Variants in SLC25A21 observed in about 807,000 individuals in gnomAD.
SLC25A21 encodes the protein mitochondrial 2-oxodicarboxylate carrier.
SLC25A21 carries 47 observed loss-of-function variants against 43.8 expected under a neutral mutation model. The observed-to-expected ratio is 1.07, with a 90% CI of 0.85 to 1.37. The LOEUF (loss-of-function observed/expected upper bound fraction) is 1.37. Among genes scored for constraint, SLC25A21 ranks in the 40% most tolerant of loss-of-function variants. SLC25A21 has a pLI of 0.00. For synonymous variants in SLC25A21, 131 were observed against 121.3 expected, an observed-to-expected ratio of 1.08 and a Z score of -0.52; for missense variants, 352 against 350.2, an observed-to-expected ratio of 1.00 and a Z score of -0.04.
chr14:36,953,236 A>T (rs1892857936), intron 1 of SLC25A21, among the ~76,000 whole-genome samples: 1 of 152,222 alleles, frequency 6.6e-6, no homozygotes, highest in Non-Finnish European at 1.5e-5. Flanking sequence ...AAATATAGCA[A>T]GATATTTTTG....
intron 1 of SLC25A21, among the ~76,000 whole-genome samples, chr14:37,009,227 C>G (rs768162069): frequency 6.6e-6 from 1 of 152,130 alleles, no homozygotes; most frequent in Non-Finnish European, 1.5e-5. Flanking sequence ...GTGGCTCACA[C>G]CTGTAATCCC....
At chr14:36,896,322 G>T (rs563273832) in intron 1 of SLC25A21, among the ~76,000 whole-genome samples, 3 of 152,172 alleles carry the variant, frequency 2.0e-5, no homozygotes, top group Admixed American at 2.0e-4. Context: ...TTTGATCTTT[G>T]TTGGTTTAAA....
chr14:36,760,330 CAGAAGGAAGGAAGGAAGGAAGGAAGGAA>C (rs1298694538), intron 3 of SLC25A21, among the ~76,000 whole-genome samples: 5 of 105,074 alleles, frequency 4.8e-5, no homozygotes, highest in Admixed American at 3.8e-4. Flanking sequence ...GGCAGCTAGG[CAGAAGGAAGGAAGGAAGGAAGGAAGGAA>C]GGAAGGAAGG....
intron 1 of SLC25A21, among the ~76,000 whole-genome samples, chr14:37,072,509 G>A (rs73260322): frequency 6.6e-6 from 1 of 151,958 alleles, no homozygotes; most frequent in Non-Finnish European, 1.5e-5. Context: ...TCTCACGCCT[G>A]TAATCCCAGC....
chr14:36,957,791 T>C (rs1008658427), intron 1 of SLC25A21, among the ~76,000 whole-genome samples: 5 of 152,236 alleles, frequency 3.3e-5, no homozygotes, highest in African/African-American at 1.2e-4. Context: ...GTCCACTTAA[T>C]AATTAGCATT....
At chr14:36,690,952 C>G (rs1882770871) in intron 7 of SLC25A21, among the ~76,000 whole-genome samples, 1 of 152,144 alleles carries the variant, frequency 6.6e-6, no homozygotes, top group Admixed American at 6.5e-5. Context: ...ATTTTAAAAA[C>G]TGGAGGAAGA....
At chr14:37,056,142 C>A (rs571118318) in intron 1 of SLC25A21, among the ~76,000 whole-genome samples, 1 of 152,260 alleles carries the variant, frequency 6.6e-6, no homozygotes, top group Non-Finnish European at 1.5e-5. Context: ...TTCCTCAGGC[C>A]TACCCAGAAA....
rs192080014 is a variant in SLC25A21, at chr14:36,923,910, C to A, written c.71-48906G>T. Among the ~76,000 whole-genome samples, 1,015 of 152,182 alleles carry A rather than the reference C, an allele frequency of 6.7e-3. 20 individuals carry two copies. Among genetic ancestry groups the A allele is most frequent in the African/African-American group, 0.023 (944 of 41,512 alleles). ...TAAAAGAAGACATTTATGCAGCCAA[C>A]AGACACATGAAAAAATGCTCATCAT... On this transcript the variant is annotated intron_variant, in intron 1 of 9. Coordinates refer to ENST00000331299, the MANE Select transcript of SLC25A21 (RefSeq NM_030631.4).
intron 3 of SLC25A21, among the ~76,000 whole-genome samples, chr14:36,813,413 G>A (rs183890529): frequency 2.2e-4 from 34 of 151,668 alleles, no homozygotes; most frequent in African/African-American, 8.0e-4. Context: ...AGGCCGGAGT[G>A]CAGTGGCGCA....
chr14:37,075,121 C>A (rs1218942070), intron 1 of SLC25A21, among the ~76,000 whole-genome samples: 3 of 152,172 alleles, frequency 2.0e-5, no homozygotes, highest in African/African-American at 7.2e-5. Context: ...ACTATGAAGA[C>A]CACTTTGAAA....
intron 3 of SLC25A21, among the ~76,000 whole-genome samples, chr14:36,737,596 G>A (rs1283295213): frequency 6.6e-6 from 1 of 152,184 alleles, no homozygotes; most frequent in Non-Finnish European, 1.5e-5. Flanking sequence ...GTATATCCAT[G>A]CAATAGAGGA....
intron 1 of SLC25A21, among the ~76,000 whole-genome samples, chr14:36,981,498 C>T (rs933684702): frequency 1.3e-5 from 2 of 152,208 alleles, no homozygotes; most frequent in Non-Finnish European, 2.9e-5. Context: ...CCATGGAATG[C>T]TATGCAGCCA....
At chr14:37,089,272 C>T (rs1175719530) in intron 1 of SLC25A21, among the ~76,000 whole-genome samples, 1 of 151,978 alleles carries the variant, frequency 6.6e-6, no homozygotes, top group Admixed American at 6.6e-5. Flanking sequence ...TGTGTGTTAA[C>T]AAAACATATA....
chr14:36,748,141 T>G (rs1885569145), intron 3 of SLC25A21, among the ~76,000 whole-genome samples: 1 of 152,216 alleles, frequency 6.6e-6, no homozygotes, highest in Non-Finnish European at 1.5e-5. Context: ...CTCCAAAACC[T>G]CAGCTCTTGA....
chr14:37,037,960 T>C (rs189363359), intron 1 of SLC25A21, among the ~76,000 whole-genome samples: 4 of 152,310 alleles, frequency 2.6e-5, no homozygotes, highest in Non-Finnish European at 5.9e-5. Flanking sequence ...ATTCCTCTGC[T>C]TCTGTTCTTT....
At chr14:37,029,195 T>C (rs1331207862) in intron 1 of SLC25A21, among the ~76,000 whole-genome samples, 1 of 152,170 alleles carries the variant, frequency 6.6e-6, no homozygotes, top group Non-Finnish European at 1.5e-5. Flanking sequence ...AGGAACTCAA[T>C]GACAAGCAAT....
At chr14:37,024,436 G>A (rs544480259) in intron 1 of SLC25A21, among the ~76,000 whole-genome samples, 1 of 151,942 alleles carries the variant, frequency 6.6e-6, no homozygotes. Context: ...CCCACTAATA[G>A]AGTCACTGGA....
chr14:36,891,948 C>T (rs1021574366), intron 1 of SLC25A21, among the ~76,000 whole-genome samples: 6 of 152,128 alleles, frequency 3.9e-5, no homozygotes, highest in African/African-American at 1.4e-4. Context: ...ACAATCAGGG[C>T]TGCTACATGA....
At chr14:37,152,912 C>G (rs1963783806) in intron 1 of SLC25A21, among the ~76,000 whole-genome samples, 1 of 152,084 alleles carries the variant, frequency 6.6e-6, no homozygotes, top group Non-Finnish European at 1.5e-5. Context: ...GACAGTCACA[C>G]TTCAAATACG....
Sources: allele counts gnomAD v4.1 joint callset (sites outside exome capture counted in the v4.1 genomes callset), GRCh38; gene constraint gnomAD v4.1.1; transcripts MANE v1.5; gene names NCBI Gene and HGNC (gene_info 2026-07-23, HGNC 2026-07-21).